The following NRCAM variants were observed in gnomAD, a reference collection of about 807,000 sequenced individuals.
NRCAM encodes neuronal cell adhesion molecule.
Under a neutral mutation model 156.5 loss-of-function variants are expected in NRCAM, and 83 were observed. The ratio of observed to expected loss-of-function variants is 0.53; its 90% CI spans 0.44 to 0.64. NRCAM has a LOEUF of 0.64. Ranked by LOEUF, NRCAM falls within the 30% of genes least tolerant of loss-of-function variation. The pLI is 0.00. For synonymous variants in NRCAM, 538 were observed against 563.9 expected (o/e 0.95, Z 0.65); for missense variants, 1,417 against 1,597.3 (o/e 0.89, Z 1.92).
rs746893109 is a variant in NRCAM at position 108,198,147 on chromosome 7, G to GATGTATATT, written c.1208-57_1208-49dup. On this transcript the variant is annotated intron_variant, in intron 13 of 32. Coordinates refer to ENST00000379028, the MANE Select transcript of NRCAM (RefSeq NM_001037132.4). ...AGTATTTATTCCTATTTGCTTAAAA[G>GATGTATATT]ATGTATATTAAGCTTGTAAAGTCAG... The GATGTATATT allele has an allele frequency of 1.6e-5, 24 of 1,485,274 alleles. No individual in the cohort carries two copies. In the South Asian group the frequency reaches 2.9e-4, roughly 18 times the overall value. The allele number at this position is 1,485,274 out of a possible 1,614,324, so 92.0% of individuals were successfully genotyped here.
At chr7:108,298,893 G>C (rs1227577232) in intron 3 of NRCAM, among the ~76,000 whole-genome samples, 1 of 150,728 alleles carries the variant, frequency 6.6e-6, no homozygotes, top group Non-Finnish European at 1.5e-5. Flanking sequence ...ATCACCTGAG[G>C]TCAGGAGTTC....
intron 2 of NRCAM, among the ~76,000 whole-genome samples, chr7:108,353,129 T>C (rs1199934084): frequency 6.6e-6 from 1 of 152,002 alleles, no homozygotes; most frequent in Non-Finnish European, 1.5e-5. Context: ...TTCTCAGAGA[T>C]AATTCTTCTT....
Position 108,223,726 on chromosome 7 carries a change from G to C in NRCAM, c.889C>G (p.Leu297Val). ...VLSLECIAEG[L>V]PTPIIYWAKE... ...TCAGGACAGAAAGTGTTAACTCACA[G>C]TCCTTCTGCAATGCACTCCAGTGAA... The change falls in exon 11 of 33, where the codon CTG becomes GTG. Residue 297 changes from leucine to valine, a missense_variant and splice_region_variant. Physicochemically the swap from Leu to Val is conservative, Grantham distance 32. This residue lies in a region of NRCAM where 1,238 missense variants were observed against 1,336.4 expected (regional missense o/e 0.93). Transcript: ENST00000379028. The C allele has an allele frequency of 6.8e-7, 1 of 1,477,098 alleles. No homozygotes were observed. Among genetic ancestry groups the C allele is most frequent in the Non-Finnish European group, 9.5e-7 (1 of 1,055,844 alleles). The allele number at this position is 1,477,098 out of a possible 1,614,324, so 91.5% of individuals were successfully genotyped here.
rs891071193 is a variant in NRCAM, at chr7:108,426,881, T to C, written c.-331-27288A>G. On this transcript the variant is annotated intron_variant, in intron 1 of 32. Transcript: ENST00000379028. ...CCTGCTTACAGCTGGCAGTTTACTA[T>C]TCCTTGAACAACGCTTTCATCATCT... 3.3e-5 allele frequency among the ~76,000 whole-genome samples: 5 copies of C among 152,336 alleles called. No individual in the cohort carries two copies. The East Asian group carries it at 5.8e-4, about 18-fold the overall frequency.
intron 2 of NRCAM, among the ~76,000 whole-genome samples, chr7:108,364,387 C>T (rs1328454894): frequency 6.6e-6 from 1 of 152,032 alleles, no homozygotes; most frequent in Non-Finnish European, 1.5e-5. Flanking sequence ...GAAAATGAAA[C>T]CCTCATACAT....
intron 25 of NRCAM, 193 bp from the exon 26 acceptor site, chr7:108,178,305 C>T (rs988702826): frequency 1.8e-5 from 10 of 541,730 alleles, no homozygotes; most frequent in Non-Finnish European, 3.3e-5. Flanking sequence ...TCTCTCTTGT[C>T]ATTTACATTT....
chr7:108,226,292 G>A lies in NRCAM; in HGVS notation c.637C>T (p.Arg213Cys), dbSNP rs751880170. The A allele has an allele frequency of 3.7e-6, 6 of 1,602,644 alleles. No individual in the cohort carries two copies. Among genetic ancestry groups the A allele is most frequent in the African/African-American group, 1.3e-5 (1 of 74,628 alleles). ...YFSNVLPEDT[R>C]EDYICYARFN... Reference sequence around the variant, plus strand: ...CTAGCATAACAGATATAGTCTTCGCGGGTGTCCTCTGGGAGGACATTGGAA... The same window carrying A: ...CTAGCATAACAGATATAGTCTTCGCAGGTGTCCTCTGGGAGGACATTGGAA... The change falls in exon 9 of 33, where the codon CGC (arginine) becomes TGC (cysteine). Residue 213 changes from arginine (R) to cysteine (C), a missense_variant. Transcript: ENST00000379028.
At chr7:108,257,992 C>A (rs2096749464) in intron 3 of NRCAM, among the ~76,000 whole-genome samples, 1 of 152,130 alleles carries the variant, frequency 6.6e-6, no homozygotes, top group African/African-American at 2.4e-5. Flanking sequence ...ACGCTACTGA[C>A]TTCTATCTTC....
rs983626794 is a variant in NRCAM at position 108,419,249 on chromosome 7, G to A, written c.-331-19656C>T. ...AATTTCCCCAGAGGGTACTGCAGACGTTTTATTTTCAGATAATCTCCAATT... is the reference window on the plus strand; with the variant it reads ...AATTTCCCCAGAGGGTACTGCAGACATTTTATTTTCAGATAATCTCCAATT... On this transcript the variant is annotated intron_variant, in intron 1 of 32. Coordinates refer to ENST00000379028, the MANE Select transcript of NRCAM (RefSeq NM_001037132.4). 3.9e-5 allele frequency among the ~76,000 whole-genome samples: 6 copies of A among 152,116 alleles called. No homozygotes were observed. In the East Asian group the frequency reaches 5.8e-4, roughly 15 times the overall value.
intron 3 of NRCAM, among the ~76,000 whole-genome samples, chr7:108,306,978 GATGCCACTAAGCC>G (rs1201389337): frequency 2.0e-5 from 3 of 152,192 alleles, no homozygotes; most frequent in Non-Finnish European, 4.4e-5. Flanking sequence ...AGGACAGAGA[GATGCCACTAAGCC>G]ATGCCACCAA....
intron 1 of NRCAM, among the ~76,000 whole-genome samples, chr7:108,449,237 T>C (rs1847730001): frequency 5.9e-5 from 9 of 152,216 alleles, no homozygotes; most frequent in Admixed American, 5.9e-4. Flanking sequence ...CATCTGTCAC[T>C]TAAGCTTCCA....
chr7:108,391,258 T>C (rs868109716), intron 2 of NRCAM, among the ~76,000 whole-genome samples: 1 of 152,174 alleles, frequency 6.6e-6, no homozygotes, highest in African/African-American at 2.4e-5. Context: ...TGGGTGCTCC[T>C]GTATTGGGTG....
At chr7:108,411,898 C>G (rs1310886594) in intron 1 of NRCAM, among the ~76,000 whole-genome samples, 1 of 152,170 alleles carries the variant, frequency 6.6e-6, no homozygotes, top group Non-Finnish European at 1.5e-5. Flanking sequence ...CCACTGTTGA[C>G]AGTCCACTGT....
At chr7:108,383,138 T>C (rs10626358) in intron 2 of NRCAM, among the ~76,000 whole-genome samples, 1 of 113,644 alleles carries the variant, frequency 8.8e-6, no homozygotes, top group Admixed American at 8.5e-5. Context: ...ACACACGCTC[T>C]CACACACACA....
Position 108,168,300 on chromosome 7 carries a change from T to C in NRCAM, c.3290A>G (p.Tyr1097Cys), listed in dbSNP as rs764611772. ...ACTGCCTGCTACACCATATTCAACA[T>C]AAAAGTTCACATGCTCTGGTCCCTC... ...EYEGPEHVNF[Y>C]VEYGVAGSKE... The change falls in exon 29 of 33, where the codon TAT (tyrosine) becomes TGT (cysteine). Residue 1097 changes from tyrosine to cysteine, a missense_variant. Physicochemically the swap from Tyr to Cys is radical, Grantham distance 194 (BLOSUM62 -2). Transcript: ENST00000379028. The C allele has an allele frequency of 6.9e-6, 11 of 1,597,688 alleles. No homozygotes were observed. In the African/African-American group the frequency reaches 1.1e-4, roughly 16 times the overall value.
At chr7:108,407,097 T>C (rs1038214109) in intron 1 of NRCAM, among the ~76,000 whole-genome samples, 1 of 152,246 alleles carries the variant, frequency 6.6e-6, no homozygotes, top group Non-Finnish European at 1.5e-5. Context: ...TGTTTTGGTG[T>C]ATGTTTTCCA....
chr7:108,405,128 G>A (rs1163864477), intron 1 of NRCAM, among the ~76,000 whole-genome samples: 1 of 152,140 alleles, frequency 6.6e-6, no homozygotes, highest in Non-Finnish European at 1.5e-5. Context: ...AAATTCTTTG[G>A]ACAGATCACA....
intron 2 of NRCAM, among the ~76,000 whole-genome samples, chr7:108,315,768 G>T (rs2098908968): frequency 6.6e-6 from 1 of 152,214 alleles, no homozygotes; most frequent in Admixed American, 6.5e-5. Flanking sequence ...CAAGAAACTT[G>T]CAGGTGAACC....
intron 20 of NRCAM, among the ~76,000 whole-genome samples, chr7:108,187,230 C>T (rs2067439030): frequency 6.6e-6 from 1 of 152,200 alleles, no homozygotes; most frequent in South Asian, 2.1e-4. Context: ...CCCATCTTCA[C>T]AGTGGCCTAC....
Sources: gnomAD v4.1 joint callset for allele counts (sites outside exome capture counted in the v4.1 genomes callset) on GRCh38, gnomAD v4.1.1 for gene constraint, gnomAD v4.1.1 regional missense constraint, MANE v1.5 for transcripts, NCBI Gene and HGNC (gene_info 2026-07-23, HGNC 2026-07-21) for gene names.